Variants in TRMT11 observed in about 807,000 individuals in gnomAD.
TRMT11 encodes tRNA (guanine(10)-N(2))-methyltransferase TRMT11.
Under a neutral mutation model 62.8 loss-of-function variants are expected in TRMT11, and 53 were observed. The ratio of observed to expected loss-of-function variants is 0.84; its 90% CI spans 0.68 to 1.06. The LOEUF is 1.06. Among genes scored for constraint, TRMT11 ranks in the 50% least tolerant of loss-of-function variants. The pLI, the probability that TRMT11 is intolerant of heterozygous loss-of-function variation, is 0.00. For synonymous variants in TRMT11, 188 were observed against 190.3 expected (o/e 0.99, Z 0.10); for missense variants, 556 against 553.4 (o/e 1.00, Z -0.05).
At chr6:126,040,080 T>G (rs900710517), downstream of TRMT11, among the ~76,000 whole-genome samples, 6 of 152,140 alleles carry the variant, frequency 3.9e-5, no homozygotes, top group African/African-American at 1.4e-4. Flanking sequence ...TTTTTCTGTT[T>G]AAACCATCTT....
downstream of TRMT11, among the ~76,000 whole-genome samples, chr6:126,207,091 C>T (rs1778797973): frequency 1.3e-5 from 2 of 152,138 alleles, no homozygotes; most frequent in Admixed American, 1.3e-4. Context: ...AATTTATTCT[C>T]TCCACTTCGA....
intron 17 of TRMT11, among the ~76,000 whole-genome samples, chr6:126,082,273 T>G (rs1350171249): frequency 6.6e-6 from 1 of 152,178 alleles, no homozygotes; most frequent in Non-Finnish European, 1.5e-5. Context: ...TTTCTGTTTC[T>G]TTGAACCCTG....
the TRMT11 span, among the ~76,000 whole-genome samples, chr6:126,251,708 T>A: frequency 6.6e-6 from 1 of 152,206 alleles, no homozygotes; most frequent in Non-Finnish European, 1.5e-5. Context: ...ATAAATGAGA[T>A]CATGCAGTCA....
intron 21 of TRMT11, among the ~76,000 whole-genome samples, chr6:126,146,674 G>T (rs1246933256): frequency 6.6e-6 from 1 of 151,974 alleles, no homozygotes; most frequent in Non-Finnish European, 1.5e-5. Flanking sequence ...CTGCCACAGT[G>T]CCCCGCTAAT....
chr6:126,062,427 A>G (rs759881224), intron 17 of TRMT11, among the ~76,000 whole-genome samples: 8 of 152,344 alleles, frequency 5.3e-5, no homozygotes, highest in Non-Finnish European at 1.0e-4. Context: ...TAATATGTAT[A>G]TATCTGTGAA....
chr6:126,143,173 T>C (rs1438863515), intron 21 of TRMT11, among the ~76,000 whole-genome samples: 1 of 152,110 alleles, frequency 6.6e-6, no homozygotes, highest in Non-Finnish European at 1.5e-5. Context: ...CCTGTGCAAA[T>C]AGGACTCCAA....
At chr6:126,001,384 T>A (rs986523263) in intron 7 of TRMT11, among the ~76,000 whole-genome samples, 28 of 152,180 alleles carry the variant, frequency 1.8e-4, no homozygotes, top group African/African-American at 6.3e-4. Context: ...TTTTATCTAA[T>A]TTTTTCCTCA....
intron 21 of TRMT11, among the ~76,000 whole-genome samples, chr6:126,163,416 G>T (rs945808256): frequency 6.6e-6 from 1 of 152,202 alleles, no homozygotes; most frequent in African/African-American, 2.4e-5. Context: ...CTTGATCATG[G>T]TGGATAAGCT....
At chr6:126,089,314 AT>A (rs1777248254) in intron 17 of TRMT11, among the ~76,000 whole-genome samples, 1 of 152,042 alleles carries the variant, frequency 6.6e-6, no homozygotes. Flanking sequence ...GGTTTTCACC[AT>A]GTTGGCCAGG....
intron 21 of TRMT11, among the ~76,000 whole-genome samples, chr6:126,148,126 T>A (rs954882831): frequency 1.3e-5 from 2 of 152,166 alleles, no homozygotes; most frequent in Non-Finnish European, 1.5e-5. Flanking sequence ...TATTTAGCTA[T>A]TTGTTCATTT....
At chr6:126,194,433 A>C (rs1340864519) in intron 1 of TRMT11, among the ~76,000 whole-genome samples, 1 of 152,148 alleles carries the variant, frequency 6.6e-6, no homozygotes, top group African/African-American at 2.4e-5. Flanking sequence ...TTCTTTATGA[A>C]GTTGTTTCTC....
chr6:126,114,937 C>T (rs553023358), intron 19 of TRMT11, among the ~76,000 whole-genome samples: 14 of 152,034 alleles, frequency 9.2e-5, no homozygotes, highest in East Asian at 3.9e-4. Context: ...CCCTGGGCAC[C>T]GAGTTTTATG....
intron 11 of TRMT11, among the ~76,000 whole-genome samples, chr6:126,020,769 C>T (rs1583750148): frequency 6.6e-6 from 1 of 152,276 alleles, no homozygotes; most frequent in Middle Eastern, 3.4e-3. Context: ...TTATACACTT[C>T]GGGAATTTAT....
At chr6:126,001,509 GC>G in intron 7 of TRMT11, among the ~76,000 whole-genome samples, 1 of 152,014 alleles carries the variant, frequency 6.6e-6, no homozygotes, top group East Asian at 1.9e-4. Context: ...ATGGCCTTCT[GC>G]CCTGCATTGG....
At chr6:126,062,015 G>T (rs925908888) in intron 17 of TRMT11, among the ~76,000 whole-genome samples, 2 of 152,130 alleles carry the variant, frequency 1.3e-5, no homozygotes, top group African/African-American at 2.4e-5. Flanking sequence ...GAATAGCTGG[G>T]ACTACAGGTA....
At chr6:126,182,761 T>G (rs534958685) in intron 1 of TRMT11, among the ~76,000 whole-genome samples, 1 of 152,294 alleles carries the variant, frequency 6.6e-6, no homozygotes, top group South Asian at 2.1e-4. Flanking sequence ...AACTTAGGAC[T>G]CTGGGGATTT....
intron 17 of TRMT11, among the ~76,000 whole-genome samples, chr6:126,101,499 T>C (rs545137859): frequency 2.0e-5 from 3 of 152,224 alleles, no homozygotes; most frequent in Non-Finnish European, 4.4e-5. Flanking sequence ...AGAGAGGTTA[T>C]GCAGTTTGCC....
intron 17 of TRMT11, among the ~76,000 whole-genome samples, chr6:126,056,267 G>A (rs1309078285): frequency 6.6e-6 from 1 of 152,190 alleles, no homozygotes; most frequent in Non-Finnish European, 1.5e-5. Context: ...AAAACACAGA[G>A]CCTAAAACTA....
At chr6:126,131,553 G>A (rs1304355133) in intron 21 of TRMT11, among the ~76,000 whole-genome samples, 1 of 151,840 alleles carries the variant, frequency 6.6e-6, no homozygotes, top group Non-Finnish European at 1.5e-5. Context: ...CAGAAACGAG[G>A]CCAGACTGCC....
Sources: gnomAD v4.1 joint callset for allele counts (sites outside exome capture counted in the v4.1 genomes callset) on GRCh38, gnomAD v4.1.1 for gene constraint, MANE v1.5 for transcripts, NCBI Gene and HGNC (gene_info 2026-07-23, HGNC 2026-07-21) for gene names.